The following ATP6V0A2 variants were observed in gnomAD, a reference collection of about 807,000 sequenced individuals.
The protein encoded by ATP6V0A2 is V-type proton ATPase 116 kDa subunit a 2.
In ATP6V0A2, 58 loss-of-function variants were observed where a neutral mutation model predicts 104.4. That is an observed-to-expected ratio of 0.56 (90% CI 0.45 to 0.69). The LOEUF is 0.69. Among genes scored for constraint, ATP6V0A2 ranks in the 30% least tolerant of loss-of-function variants. The pLI, the probability that ATP6V0A2 is intolerant of heterozygous loss-of-function variation, is 0.00. For synonymous variants in ATP6V0A2, 376 were observed against 397.9 expected (o/e 0.95, Z 0.65); for missense variants, 938 against 1,062.9 (o/e 0.88, Z 1.63).
chr12:123,712,768 CACCG>C, intron 1 of ATP6V0A2, 86 bp downstream of exon 1: 1 of 1,191,504 alleles, frequency 8.4e-7, no homozygotes, highest in Non-Finnish European at 1.2e-6. Flanking sequence ...CCGCGGGGAG[CACCG>C]AGGAAGGGCG....
In ATP6V0A2 at chr12:123,748,465, T is replaced by C. The variant is rs185839503; in HGVS notation, c.1725-110T>C. On this transcript the variant is annotated intron_variant, in intron 14 of 19. Coordinates refer to ENST00000330342, the MANE Select transcript of ATP6V0A2 (RefSeq NM_012463.4). The stretch of plus-strand genomic sequence containing the variant: ...GTATCTGGATTCATCATATGAGAAA[T>C]GATGTTATTCTGAAATTCGCTTTAT... The C allele has an allele frequency of 3.3e-4, 275 of 843,020 alleles. No individual in the cohort carries two copies. The African/African-American group carries it at 3.5e-3, about 11-fold the overall frequency. The allele number at this position is 843,020 out of a possible 1,614,324, so 52.2% of individuals were successfully genotyped here. A position where few individuals can be genotyped will look rare whatever the true frequency, so the allele number is the denominator to read the frequency against.
rs74713525 is a variant in ATP6V0A2 at position 123,736,842 on chromosome 12, T to C, written c.826-217T>C. ...AGAGGCAACCTCCCAAAAGAGGGCA[T>C]CTGATTGATTGGGCTTAGATTTTTC... On this transcript the variant is annotated intron_variant, in intron 8 of 19. Transcript: ENST00000330342. Among the ~76,000 whole-genome samples the C allele has an allele frequency of 5.3e-3, 801 of 152,202 alleles. 9 individuals are homozygous for C. The highest frequency in any genetic ancestry group is 0.018 in the African/African-American group (730 of 41,538).
chr12:123,744,602 G>A lies in ATP6V0A2; in HGVS notation c.1332G>A (p.Met444Ile). 2.5e-6 allele frequency: 4 copies of A among 1,612,942 alleles called. No individual in the cohort carries two copies. Among genetic ancestry groups the A allele is most frequent in the East Asian group, 2.2e-5 (1 of 44,876 alleles). Reference protein sequence around the residue: ...HPRLNQSQEIMRMFFNGRYIL... With the variant: ...HPRLNQSQEIIRMFFNGRYIL... The stretch of plus-strand genomic sequence containing the variant: ...CCCCGCCTTGCCCTTCACAGATCAT[G>A]AGGATGTTTTTTAATGGCCGGTACA... The change falls in exon 12 of 20, where the codon ATG becomes ATA. Residue 444 changes from methionine to isoleucine, a missense_variant. Coordinates refer to ENST00000330342, the MANE Select transcript of ATP6V0A2 (RefSeq NM_012463.4). This position sits in a 1 kb window ranked among gnomAD's most constrained non-coding sequence, Gnocchi z 5.4.
chr12:123,743,048 A>G (rs1444678991), intron 9 of ATP6V0A2, among the ~76,000 whole-genome samples: 1 of 152,090 alleles, frequency 6.6e-6, no homozygotes, highest in African/African-American at 2.4e-5. Context: ...TTTTTTATTA[A>G]GTATATTGCA....
At chr12:123,738,580 T>C (rs1160754256) in intron 9 of ATP6V0A2, among the ~76,000 whole-genome samples, 2 of 152,228 alleles carry the variant, frequency 1.3e-5, no homozygotes, top group African/African-American at 4.8e-5. Context: ...TGTTTCTGTT[T>C]GTTTATTTGT....
chr12:123,718,806 AAG>A, intron 2 of ATP6V0A2, 105 bp downstream of exon 2: 2 of 773,374 alleles, frequency 2.6e-6, no homozygotes, highest in South Asian at 1.7e-5. Flanking sequence ...AAAGGAAAAA[AAG>A]AAATTGTATT....
At chr12:123,722,837 G>A (rs1258683567) in intron 3 of ATP6V0A2, among the ~76,000 whole-genome samples, 2 of 152,064 alleles carry the variant, frequency 1.3e-5, no homozygotes, top group East Asian at 1.9e-4. Flanking sequence ...TTGAGGCTTC[G>A]GTGTTGTGCC....
intron 9 of ATP6V0A2, among the ~76,000 whole-genome samples, chr12:123,740,974 C>G (rs1956603846): frequency 6.6e-6 from 1 of 151,686 alleles, no homozygotes; most frequent in Admixed American, 6.6e-5. Flanking sequence ...TCTTTTAACT[C>G]CTTTTGAAAC....
At chr12:123,729,649 A>T (rs1318882642) in intron 6 of ATP6V0A2, among the ~76,000 whole-genome samples, 1 of 152,148 alleles carries the variant, frequency 6.6e-6, no homozygotes, top group Admixed American at 6.5e-5. Context: ...TTAAATGAGG[A>T]TGAACTGCTG....
chr12:123,749,790 A>G (rs902261194), intron 15 of ATP6V0A2, among the ~76,000 whole-genome samples: 2 of 151,190 alleles, frequency 1.3e-5, no homozygotes, highest in African/African-American at 4.9e-5. Context: ...ATCTGGGGAA[A>G]CCCTCCCAGT....
intron 2 of ATP6V0A2, 49 bp downstream of exon 2, chr12:123,718,750 G>A: frequency 7.5e-7 from 1 of 1,338,916 alleles, no homozygotes; most frequent in Non-Finnish European, 1.1e-6. Context: ...CTTTATATAG[G>A]CAAACCTTGT....
chr12:123,737,432 A>G (rs552102412), intron 9 of ATP6V0A2, 161 bp downstream of exon 9: 19 of 784,104 alleles, frequency 2.4e-5, no homozygotes, highest in African/African-American at 2.4e-4. Flanking sequence ...AAATTAAAAT[A>G]GAGATGGGGT....
Position 123,712,518 on chromosome 12 carries a change from GGAGC to G in ATP6V0A2, c.-47_-44del, listed in dbSNP as rs1956302140. On this transcript the variant is annotated 5_prime_UTR_variant, in exon 1 of 20. Coordinates refer to ENST00000330342, the MANE Select transcript of ATP6V0A2 (RefSeq NM_012463.4). Reference sequence around the variant, plus strand: ...CTGAGTGTGCGGGCCCGCGCGGCTCGGAGCCGCCGCCGCCCATCGAGCCCCTCCG... The same window carrying G: ...CTGAGTGTGCGGGCCCGCGCGGCTCGCGCCGCCGCCCATCGAGCCCCTCCG... 1 of 1,438,604 alleles carries G rather than the reference GGAGC, an allele frequency of 7.0e-7. No individual in the cohort carries two copies. Among genetic ancestry groups the G allele is most frequent in the Non-Finnish European group, 9.4e-7 (1 of 1,065,456 alleles). 89.1% of individuals were successfully genotyped at this position (1,438,604 alleles called of 1,614,324 possible).
At chr12:123,719,467 G>A (rs1182030407) in intron 2 of ATP6V0A2, among the ~76,000 whole-genome samples, 2 of 151,368 alleles carry the variant, frequency 1.3e-5, no homozygotes, top group African/African-American at 4.9e-5. Context: ...GCTCACTGCA[G>A]ACTCCGCCTC....
Position 123,724,556 on chromosome 12 carries a change from CAAAA to C in ATP6V0A2, c.295-94_295-91del, listed in dbSNP as rs962598993. On this transcript the variant is annotated intron_variant, in intron 3 of 19. Transcript: ENST00000330342. ...AAAAAAAAAAAAGAAAAAAACAAAACAAAAAAACCCACTGTTTTTGGTATACTGC... is the reference window on the plus strand; with the variant it reads ...AAAAAAAAAAAAGAAAAAAACAAAACAAACCCACTGTTTTTGGTATACTGC... The C allele has an allele frequency of 5.1e-6, 6 of 1,187,404 alleles. No homozygotes were observed. The African/African-American group carries it at 9.5e-5, about 19-fold the overall frequency. 73.6% of individuals were successfully genotyped at this position (1,187,404 alleles called of 1,614,324 possible).
Position 123,744,738 on chromosome 12 carries a change from A to G in ATP6V0A2, c.1468A>G (p.Ser490Gly), listed in dbSNP as rs761024266. Residue 490 changes from serine to glycine, a missense_variant, in exon 12 of 20, where the codon AGC becomes GGC. Physicochemically the swap from Ser to Gly is moderately conservative, Grantham distance 56. Transcript: ENST00000330342. The surrounding 1 kb of genome is among the most constrained non-coding windows in gnomAD (Gnocchi z 5.4). ...GSGWNVSAMY[S>G]SSHPPAEHKK... ...TGGGTGGAACGTGTCGGCCATGTACAGCTCCAGCCACCCACCCGCAGAGCA... is the reference window on the plus strand; with the variant it reads ...TGGGTGGAACGTGTCGGCCATGTACGGCTCCAGCCACCCACCCGCAGAGCA... The G allele has an allele frequency of 1.9e-6, 3 of 1,614,136 alleles. No homozygotes were observed. Among genetic ancestry groups the G allele is most frequent in the Middle Eastern group, 1.6e-4 (1 of 6,062 alleles).
At chr12:123,716,214 G>A (rs1258696796) in intron 1 of ATP6V0A2, among the ~76,000 whole-genome samples, 4 of 151,820 alleles carry the variant, frequency 2.6e-5, no homozygotes, top group Admixed American at 6.6e-5. Flanking sequence ...TCACAGGCGC[G>A]CGCCACCACG....
chr12:123,742,070 G>A (rs533683952), intron 9 of ATP6V0A2, among the ~76,000 whole-genome samples: 30 of 152,314 alleles, frequency 2.0e-4, no homozygotes, highest in Non-Finnish European at 3.7e-4. Context: ...GCGTGTGGCC[G>A]CTCAACAGGG....
At chr12:123,728,234 GTC>G (rs1305324688) in intron 6 of ATP6V0A2, among the ~76,000 whole-genome samples, 2 of 152,066 alleles carry the variant, frequency 1.3e-5, no homozygotes, top group African/African-American at 2.4e-5. Flanking sequence ...TAGTTGTCAT[GTC>G]TCTCTCTTTT....
Sources: allele counts gnomAD v4.1 joint callset (sites outside exome capture counted in the v4.1 genomes callset), GRCh38; gene constraint gnomAD v4.1.1; non-coding constraint Gnocchi (gnomAD v3.1); transcripts MANE v1.5; gene names NCBI Gene and HGNC (gene_info 2026-07-23, HGNC 2026-07-21).